DRP2: variants seen among roughly 807,000 people sequenced by gnomAD.
DRP2 encodes dystrophin related protein 2, also known as dystrophin-related protein 2.
DRP2 carries 29 observed loss-of-function variants against 78.2 expected under a neutral mutation model. The observed-to-expected ratio is 0.37, with a 90% confidence interval of 0.28 to 0.51. The LOEUF (loss-of-function observed/expected upper bound fraction) is 0.51. Among genes scored for constraint, DRP2 ranks in the 20% least tolerant of loss-of-function variants. The pLI is 0.94. For synonymous variants in DRP2, 290 were observed against 281.9 expected, an observed-to-expected ratio of 1.03 and a Z score of -0.29; for missense variants, 686 against 770.6, an observed-to-expected ratio of 0.89 and a Z score of 1.30.
chrX:101,249,823 A>T (rs1923066911), intron 14 of DRP2, among the ~76,000 whole-genome samples: 1 of 111,995 alleles, frequency 8.9e-6, no homozygotes, highest in Non-Finnish European at 1.9e-5. Context: ...GGCTTAAATA[A>T]CCCATATACA....
At chrX:101,230,480 C>T (rs1202377535) in intron 2 of DRP2, among the ~76,000 whole-genome samples, 4 of 111,250 alleles carry the variant, frequency 3.6e-5, no homozygotes, top group Non-Finnish European at 7.5e-5. Context: ...GAGCTGAGAT[C>T]GCGCCACTGC....
chrX:101,250,622 C>A, intron 15 of DRP2, 42 bp downstream of exon 15: 1 of 1,157,421 alleles, frequency 8.6e-7, no homozygotes, highest in South Asian at 2.1e-5. Context: ...AGGGAGGTTG[C>A]AGGAAGGGTG....
rs1923115877 is a variant in DRP2, at chrX:101,250,904, C to A, written c.1699-13C>A. On this transcript the variant is annotated splice_polypyrimidine_tract_variant and intron_variant, in intron 15 of 23. Transcript: ENST00000395209. Reference sequence around the variant, plus strand: ...GGCCTCAGTCATTCCCATTGGTCTTCTTGTTTCCGTAGAGCACCGGGAAGC... The same window carrying A: ...GGCCTCAGTCATTCCCATTGGTCTTATTGTTTCCGTAGAGCACCGGGAAGC... 8.3e-7 allele frequency: 1 copy of A among 1,209,291 alleles called. No individual in the cohort carries two copies. The highest frequency in any genetic ancestry group is 1.7e-5 in the African/African-American group (1 of 57,732).
Position 101,247,162 on chromosome X carries a change from G to T in DRP2, c.1250G>T (p.Arg417Leu), listed in dbSNP as rs759825823. 8.3e-7 allele frequency: 1 copy of T among 1,205,299 alleles called. No individual in the cohort carries two copies. Among genetic ancestry groups the T allele is most frequent in the Admixed American group, 2.2e-5 (1 of 45,646 alleles). The change falls in exon 12 of 24, where the codon CGC becomes CTC. Residue 417 changes from arginine (R) to leucine (L), a missense_variant and splice_region_variant. This residue lies in a region of DRP2 where 423 missense variants were observed against 531.5 expected (regional missense o/e 0.80). Coordinates refer to ENST00000395209, the MANE Select transcript of DRP2 (RefSeq NM_001939.3). Reference sequence around the variant, plus strand: ...CTCCGCAGAGTCCAGAAAGCCCTGCGCTGTACGTCTCCTGTTGTACTTCCC... The same window carrying T: ...CTCCGCAGAGTCCAGAAAGCCCTGCTCTGTACGTCTCCTGTTGTACTTCCC... ...MKLRRVQKAL[R>L]LDLVTLTTAL...
chrX:101,260,626 G>T lies in DRP2; in HGVS notation c.*5G>T. The T allele has an allele frequency of 1.7e-6, 2 of 1,206,704 alleles. No individual in the cohort carries two copies. The highest frequency in any genetic ancestry group is 1.8e-5 in the South Asian group (1 of 55,408). On this transcript the variant is annotated 3_prime_UTR_variant, in exon 24 of 24. Transcript: ENST00000395209. ...AACACCCTGCTGGCCTCTTGATGGAGCCAGATCCCCATCCTATAGTTCATA... is the reference window on the plus strand; with the variant it reads ...AACACCCTGCTGGCCTCTTGATGGATCCAGATCCCCATCCTATAGTTCATA...
intron 23 of DRP2, 66 bp from the exon 24 acceptor site, chrX:101,260,431 A>T: frequency 8.6e-7 from 1 of 1,162,840 alleles, no homozygotes; most frequent in Non-Finnish European, 1.2e-6. Flanking sequence ...GCAGAATTCT[A>T]TCTGACCCCT....
intron 1 of DRP2, among the ~76,000 whole-genome samples, 176 bp from the exon 2 acceptor site, chrX:101,224,428 G>A (rs1169678041): frequency 3.7e-5 from 4 of 106,895 alleles, no homozygotes; most frequent in African/African-American, 1.4e-4. Flanking sequence ...CAAAAAACCC[G>A]GATGTCCAGG....
chrX:101,249,190 T>G (rs919016315), intron 14 of DRP2, among the ~76,000 whole-genome samples: 2 of 112,069 alleles, frequency 1.8e-5, no homozygotes, highest in African/African-American at 6.5e-5. Flanking sequence ...CTAAGTTAAA[T>G]TAGACGTGGT....
rs765265944 is a variant in DRP2 at position 101,237,643 on chromosome X, C to T, written c.306C>T (p.Asp102=). 21 of 1,149,761 alleles carry T rather than the reference C, an allele frequency of 1.8e-5. No homozygotes were observed. The South Asian group carries it at 4.6e-4, about 25-fold the overall frequency. 94.8% of individuals were successfully genotyped at this position (1,149,761 alleles called of 1,213,427 possible). A position where few individuals can be genotyped will look rare whatever the true frequency, so the allele number is the denominator to read the frequency against. The change falls in exon 5 of 24, where the codon GAC becomes GAT. Residue 102 remains aspartate (D), a synonymous_variant. Coordinates refer to ENST00000395209, the MANE Select transcript of DRP2 (RefSeq NM_001939.3). ...GCGCTCGCCTAGAGGCCTTCTCAGACCACAGTGGAAAGCTTCAGCTCCCTC... is the reference window on the plus strand; with the variant it reads ...GCGCTCGCCTAGAGGCCTTCTCAGATCACAGTGGAAAGCTTCAGCTCCCTC... ...NLRARLEAFS[D]HSGKLQLPLQ... is the part of the protein sequence containing the mutation.
chrX:101,239,882 T>A (rs1292248951), intron 6 of DRP2, among the ~76,000 whole-genome samples: 2 of 110,454 alleles, frequency 1.8e-5, no homozygotes, highest in African/African-American at 6.6e-5. Flanking sequence ...TGGCCCAAAA[T>A]TTTTTTTTAA....
At chrX:101,250,262 G>A (rs1923082374) in intron 14 of DRP2, among the ~76,000 whole-genome samples, 161 bp from the exon 15 acceptor site, 1 of 111,209 alleles carries the variant, frequency 9.0e-6, no homozygotes, top group South Asian at 3.8e-4. Flanking sequence ...TTTAGAACTC[G>A]GCTACTAGAA....
At chrX:101,259,086 G>A (rs922885245) in intron 22 of DRP2, among the ~76,000 whole-genome samples, 4 of 111,578 alleles carry the variant, frequency 3.6e-5, no homozygotes, top group African/African-American at 1.3e-4. Context: ...TCTGCCAATT[G>A]ACTGTGGGGT....
chrX:101,260,264 T>C, intron 23 of DRP2, 95 bp downstream of exon 23: 1 of 1,112,005 alleles, frequency 9.0e-7, no homozygotes, highest in East Asian at 3.0e-5. Flanking sequence ...GACTGGTTTC[T>C]CCTCTTGGCT....
intron 15 of DRP2, 142 bp from the exon 16 acceptor site, chrX:101,250,766 CAGCTCAACT>C (rs1420118699): frequency 4.4e-6 from 4 of 915,033 alleles, no homozygotes; most frequent in Non-Finnish European, 6.0e-6. Flanking sequence ...GGGAGGGTGT[CAGCTCAACT>C]AGCACAGGGC....
Position 101,250,983 on chromosome X carries a change from A to G in DRP2, c.1765A>G (p.Met589Val), listed in dbSNP as rs1250915119. The G allele has an allele frequency of 3.3e-6, 4 of 1,210,141 alleles. No individual in the cohort carries two copies. The highest frequency in any genetic ancestry group is 1.8e-5 in the South Asian group (1 of 56,802). ...GTGGGTCAACCTGGAGCCCCAGTCC[A>G]TGGTGTGGCTGGCTGTTCTGCATCG... Reference protein sequence around the residue: ...LEWVNLEPQSMVWLAVLHRVT... With the variant: ...LEWVNLEPQSVVWLAVLHRVT... The change falls in exon 16 of 24, where the codon ATG becomes GTG. Residue 589 changes from methionine (M) to valine (V), a missense_variant. This residue lies in a region of DRP2 where 423 missense variants were observed against 531.5 expected (regional missense o/e 0.80). Transcript: ENST00000395209.
At chrX:101,247,573 G>A (rs763396243) in intron 12 of DRP2, among the ~76,000 whole-genome samples, 10 of 111,455 alleles carry the variant, frequency 9.0e-5, no homozygotes, top group East Asian at 2.8e-4. Flanking sequence ...GGCCTTTCTC[G>A]GAGACACTGT....
chrX:101,221,844 ACTT>A (rs747697807), intron 1 of DRP2, among the ~76,000 whole-genome samples: 9 of 111,970 alleles, frequency 8.0e-5, no homozygotes, highest in Non-Finnish European at 1.3e-4. Flanking sequence ...AGTCTTCTAA[ACTT>A]CTCAGGGATA....
At chrX:101,245,178 C>A in intron 10 of DRP2, 101 bp downstream of exon 10, 1 of 930,359 alleles carries the variant, frequency 1.1e-6, no homozygotes, top group Admixed American at 2.5e-5. Flanking sequence ...TGTTGGGATT[C>A]CTCCATCCAG....
intron 1 of DRP2, among the ~76,000 whole-genome samples, chrX:101,221,093 C>CTGGGG (rs960204389): frequency 8.9e-6 from 1 of 111,933 alleles, no homozygotes; most frequent in South Asian, 3.7e-4. Flanking sequence ...CAAGGCTGGG[C>CTGGGG]TGGGGTGGGG....
Sources: gnomAD v4.1 joint callset for allele counts (sites outside exome capture counted in the v4.1 genomes callset) on GRCh38, gnomAD v4.1.1 for gene constraint, gnomAD v4.1.1 regional missense constraint, MANE v1.5 for transcripts, NCBI Gene and HGNC (gene_info 2026-07-23, HGNC 2026-07-21) for gene names.